The following CHD9 variants were observed in gnomAD, a reference collection of about 807,000 sequenced individuals.
CHD9 encodes chromodomain helicase DNA binding protein 9, also known as ATP-dependent chromatin remodeler CHD9.
CHD9 carries 77 observed loss-of-function variants against 316.1 expected under a neutral mutation model. That is an observed-to-expected ratio of 0.24 (90% CI 0.20 to 0.29). The LOEUF is 0.29. Among genes scored for constraint, CHD9 ranks in the 10% least tolerant of loss-of-function variants. The pLI is 1.00. For synonymous variants in CHD9, 1,129 were observed against 1,158.3 expected, an observed-to-expected ratio of 0.97 and a Z score of 0.51; for missense variants, 2,763 against 3,438.1, an observed-to-expected ratio of 0.80 and a Z score of 4.91.
chr16:53,158,141 C>T (rs2152749083), intron 2 of CHD9, among the ~76,000 whole-genome samples: 1 of 152,142 alleles, frequency 6.6e-6, no homozygotes, highest in Admixed American at 6.5e-5. Flanking sequence ...GAAATTGGTA[C>T]CTACATGGCT....
At position 53,259,602 on chromosome 16, in the gene CHD9, T is replaced by G. The variant is rs539867466; in HGVS notation, c.4210-3385T>G. ...TCAACGATTCACTACAGCCTTGACT[T>G]CCTGGGCTCAAGTGATCCTCCTGCC... On this transcript the variant is annotated intron_variant, in intron 19 of 38. Coordinates refer to ENST00000447540, the MANE Select transcript of CHD9 (RefSeq NM_001308319.2). 2.0e-5 allele frequency among the ~76,000 whole-genome samples: 3 copies of G among 152,332 alleles called. No homozygotes were observed. The South Asian group carries it at 6.2e-4, about 32-fold the overall frequency.
At chr16:53,223,034 G>A (rs1014848843) in intron 4 of CHD9, among the ~76,000 whole-genome samples, 1 of 152,138 alleles carries the variant, frequency 6.6e-6, no homozygotes, top group African/African-American at 2.4e-5. Context: ...ATGGCTTTTA[G>A]CATGGAGGAG....
chr16:53,120,388 C>A (rs1318948434), intron 1 of CHD9, among the ~76,000 whole-genome samples: 5 of 150,828 alleles, frequency 3.3e-5, no homozygotes, highest in Non-Finnish European at 5.9e-5. Context: ...CTGAGGCAGG[C>A]GGATCACCTG....
At chr16:53,133,181 G>T (rs554611338) in intron 1 of CHD9, among the ~76,000 whole-genome samples, 5 of 152,192 alleles carry the variant, frequency 3.3e-5, no homozygotes, top group Non-Finnish European at 5.9e-5. Context: ...ACAGTTTCAG[G>T]TAAGTATGTA....
In CHD9 at chr16:53,255,722, A is replaced by G. The variant is rs529140253; in HGVS notation, c.4152A>G (p.Leu1384=). The change falls in exon 19 of 39, where the codon CTA becomes CTG. Residue 1384 remains leucine, a synonymous_variant. Transcript: ENST00000447540. Reference sequence around the variant, plus strand: ...AAGAGGATATCGATCAGATTTTACTACGTCGTACAAAAACTATTACAATTG... The same window carrying G: ...AAGAGGATATCGATCAGATTTTACTGCGTCGTACAAAAACTATTACAATTG... ...FCEEDIDQIL[L]RRTKTITIES... 3 of 1,613,934 alleles carry G rather than the reference A, an allele frequency of 1.9e-6. No individual in the cohort carries two copies. The highest frequency in any genetic ancestry group is 1.3e-5 in the African/African-American group (1 of 75,058).
chr16:53,120,743 G>A (rs753020662), intron 1 of CHD9, among the ~76,000 whole-genome samples: 5 of 152,220 alleles, frequency 3.3e-5, no homozygotes, highest in Non-Finnish European at 7.3e-5. Flanking sequence ...AGTGGCTCAC[G>A]CCTGTAATCT....
intron 1 of CHD9, among the ~76,000 whole-genome samples, chr16:53,057,431 A>G (rs2032288395): frequency 6.6e-6 from 1 of 151,956 alleles, no homozygotes; most frequent in South Asian, 2.1e-4. Context: ...AGGTGGGTGG[A>G]TACCTGAGGT....
intron 3 of CHD9, among the ~76,000 whole-genome samples, chr16:53,218,747 A>G (rs527353350): frequency 1.3e-5 from 2 of 152,294 alleles, no homozygotes; most frequent in Admixed American, 1.3e-4. Flanking sequence ...TTTTTAAGCA[A>G]TATATGAAGG....
intron 2 of CHD9, among the ~76,000 whole-genome samples, chr16:53,164,634 T>A (rs1249669973): frequency 7.1e-6 from 1 of 140,640 alleles, no homozygotes; most frequent in Non-Finnish European, 1.6e-5. Context: ...TGTTTTTTGT[T>A]TTTTTTTTGG....
intron 1 of CHD9, among the ~76,000 whole-genome samples, chr16:53,146,403 T>A (rs536365561): frequency 9.5e-4 from 30 of 31,620 alleles, no homozygotes; most frequent in African/African-American, 4.7e-3. Context: ...AAAAAAAAAA[T>A]TGTGTGTGTG....
intron 34 of CHD9, among the ~76,000 whole-genome samples, chr16:53,313,908 G>A (rs1294663662): frequency 2.0e-5 from 3 of 150,876 alleles, no homozygotes; most frequent in African/African-American, 4.9e-5. Context: ...AGCCAAGATC[G>A]TGCCACTGCA....
intron 1 of CHD9, among the ~76,000 whole-genome samples, chr16:53,150,873 G>A (rs1475916124): frequency 6.6e-6 from 1 of 152,114 alleles, no homozygotes; most frequent in Non-Finnish European, 1.5e-5. Flanking sequence ...TACTTGATGA[G>A]TCTTTTTTCT....
chr16:53,075,687 C>T (rs764493743), intron 1 of CHD9, among the ~76,000 whole-genome samples: 7 of 152,184 alleles, frequency 4.6e-5, no homozygotes, highest in African/African-American at 1.2e-4. Context: ...TTTTGCCTCT[C>T]GCCATGATTC....
intron 36 of CHD9, among the ~76,000 whole-genome samples, chr16:53,316,272 A>G (rs1250851640): frequency 6.6e-6 from 1 of 152,156 alleles, no homozygotes; most frequent in Non-Finnish European, 1.5e-5. Flanking sequence ...ACTTCCTAAC[A>G]TGTTCAAGAT....
intron 38 of CHD9, among the ~76,000 whole-genome samples, 163 bp from the exon 39 acceptor site, chr16:53,323,857 T>C (rs1236614097): frequency 2.0e-5 from 3 of 152,218 alleles, no homozygotes; most frequent in African/African-American, 7.2e-5. Context: ...AAGCTACCAC[T>C]TATATAAAAT....
intron 1 of CHD9, chr16:53,121,212 C>T (rs745785152): frequency 5.2e-6 from 2 of 384,058 alleles, no homozygotes; most frequent in Non-Finnish European, 1.0e-5. Context: ...TGAGACATCA[C>T]AGATCCCCTT....
Position 53,157,261 on chromosome 16 carries a change from T to C in CHD9, c.1172T>C (p.Leu391Pro), listed in dbSNP as rs947770326. The change falls in exon 2 of 39, where the codon CTT (leucine) becomes CCT (proline). Residue 391 changes from leucine to proline, a missense_variant. Physicochemically the swap from Leu to Pro is moderately conservative, Grantham distance 98. Around this residue, in one of 15 missense-constraint regions of CHD9, gnomAD observed 859 missense variants for 890.4 expected, o/e 0.96. Coordinates refer to ENST00000447540, the MANE Select transcript of CHD9 (RefSeq NM_001308319.2). Reference sequence around the variant, plus strand: ...TTTTCATCTTTAGAAGAGAATTTACTTCATCAAGTGGAATCTCAAACTGAG... The same window carrying C: ...TTTTCATCTTTAGAAGAGAATTTACCTCATCAAGTGGAATCTCAAACTGAG... ...NGFSSLEENL[L>P]HQVESQTEPF... The C allele has an allele frequency of 6.2e-6, 10 of 1,603,844 alleles. No homozygotes were observed. Among genetic ancestry groups the C allele is most frequent in the African/African-American group, 2.7e-5 (2 of 74,780 alleles).
intron 10 of CHD9, among the ~76,000 whole-genome samples, chr16:53,233,811 T>C (rs1320704493): frequency 6.6e-6 from 1 of 152,216 alleles, no homozygotes; most frequent in African/African-American, 2.4e-5. Context: ...TTTCACAATA[T>C]CACACCTGAT....
At chr16:53,305,188 A>C (rs2055845703) in intron 31 of CHD9, among the ~76,000 whole-genome samples, 1 of 151,906 alleles carries the variant, frequency 6.6e-6, no homozygotes, top group African/African-American at 2.4e-5. Flanking sequence ...CAGCCTCCTG[A>C]GTAGCTAGGA....
Sources: gnomAD v4.1 joint callset for allele counts (sites outside exome capture counted in the v4.1 genomes callset) on GRCh38, gnomAD v4.1.1 for gene constraint, gnomAD v4.1.1 regional missense constraint, MANE v1.5 for transcripts, NCBI Gene and HGNC (gene_info 2026-07-23, HGNC 2026-07-21) for gene names.